Variants in FGF12 observed in about 807,000 individuals in gnomAD.
FGF12 encodes the protein fibroblast growth factor 12.
In FGF12, 14 loss-of-function variants were observed where a neutral mutation model predicts 23.6. The observed-to-expected ratio is 0.59, with a 90% CI of 0.39 to 0.93. FGF12 has a LOEUF of 0.93. Among genes scored for constraint, FGF12 ranks in the 40% least tolerant of loss-of-function variants. The pLI is 0.00. For synonymous variants in FGF12, 62 were observed against 77.3 expected (o/e 0.80, Z 1.04); for missense variants, 175 against 217.8 (o/e 0.80, Z 1.24).
chr3:192,519,866 G>T (rs1005697459), intron 2 of FGF12, among the ~76,000 whole-genome samples: 1 of 152,178 alleles, frequency 6.6e-6, no homozygotes, highest in African/African-American at 2.4e-5. Flanking sequence ...GGCTAAAATT[G>T]TTCTGGCTTT....
chr3:192,466,621 C>G (rs1401287744), intron 2 of FGF12, among the ~76,000 whole-genome samples: 1 of 152,188 alleles, frequency 6.6e-6, no homozygotes, highest in African/African-American at 2.4e-5. Context: ...AATAAGCATA[C>G]TTATTGTGCT....
At chr3:192,642,398 A>AG (rs1715840760) in intron 2 of FGF12, among the ~76,000 whole-genome samples, 1 of 152,194 alleles carries the variant, frequency 6.6e-6, no homozygotes, top group Non-Finnish European at 1.5e-5. Context: ...TCCACTTGAA[A>AG]GATACAAGAT....
Position 192,360,664 on chromosome 3 carries a change from G to T in FGF12, c.14-126C>A, listed in dbSNP as rs779191034. Reference sequence around the variant, plus strand: ...AGCTTAAATATTGAATTATGTATTTGGGAGTTGGGTGTTTCAGTAACATAT... The same window carrying T: ...AGCTTAAATATTGAATTATGTATTTTGGAGTTGGGTGTTTCAGTAACATAT... On this transcript the variant is annotated intron_variant, in intron 2 of 5. Coordinates refer to ENST00000445105, the MANE Select transcript of FGF12 (RefSeq NM_004113.6). The surrounding 1 kb of genome is among the most constrained non-coding windows in gnomAD (Gnocchi z 4.3). 1 of 674,420 alleles carries T rather than the reference G, an allele frequency of 1.5e-6. No individual in the cohort carries two copies. Among genetic ancestry groups the T allele is most frequent in the East Asian group, 2.7e-5 (1 of 37,046 alleles). The allele number at this position is 674,420 out of a possible 1,614,324, so 41.8% of individuals were successfully genotyped here.
At chr3:192,375,522 A>T (rs1719446717) in intron 2 of FGF12, among the ~76,000 whole-genome samples, 1 of 152,208 alleles carries the variant, frequency 6.6e-6, no homozygotes, top group Non-Finnish European at 1.5e-5. Context: ...AAAAACTCAA[A>T]TCCACATATT....
At chr3:192,373,119 C>T (rs1168421637) in intron 2 of FGF12, among the ~76,000 whole-genome samples, 3 of 151,998 alleles carry the variant, frequency 2.0e-5, no homozygotes, top group Admixed American at 1.3e-4. Flanking sequence ...CACCTCCCTT[C>T]ATTGCACGTA....
At chr3:192,329,257 A>T (rs1716985968) in intron 4 of FGF12, among the ~76,000 whole-genome samples, 1 of 152,218 alleles carries the variant, frequency 6.6e-6, no homozygotes, top group Admixed American at 6.5e-5. Context: ...CAATGGAGAC[A>T]GGTGACATAT....
intron 2 of FGF12, among the ~76,000 whole-genome samples, chr3:192,551,410 G>A (rs1711525351): frequency 6.6e-6 from 1 of 152,216 alleles, no homozygotes; most frequent in Non-Finnish European, 1.5e-5. Context: ...TTGGCCAAAA[G>A]ATGGGCTACT....
At chr3:192,398,379 CTT>C (rs1560099136) in intron 2 of FGF12, among the ~76,000 whole-genome samples, 4 of 60,406 alleles carry the variant, frequency 6.6e-5, no homozygotes, top group African/African-American at 1.8e-4. Flanking sequence ...CTTATATTTT[CTT>C]TTTTCTTTTT....
At chr3:192,407,288 G>C (rs1576957622) in intron 2 of FGF12, among the ~76,000 whole-genome samples, 1 of 152,316 alleles carries the variant, frequency 6.6e-6, no homozygotes, top group East Asian at 1.9e-4. Context: ...TGTGTATACT[G>C]TCTTGTTCCC....
At chr3:192,599,760 G>A (rs1714030633) in intron 2 of FGF12, among the ~76,000 whole-genome samples, 1 of 151,436 alleles carries the variant, frequency 6.6e-6, no homozygotes, top group East Asian at 1.9e-4. Context: ...CATTCTAGAG[G>A]GAGAAAAAAA....
intron 4 of FGF12, among the ~76,000 whole-genome samples, chr3:192,299,418 A>G (rs991041843): frequency 2.6e-5 from 4 of 152,186 alleles, no homozygotes; most frequent in Non-Finnish European, 5.9e-5. Flanking sequence ...TGAGGACATG[A>G]CTTATTCTTT....
chr3:192,310,675 T>G (rs563557123), intron 4 of FGF12, among the ~76,000 whole-genome samples: 140 of 152,308 alleles, frequency 9.2e-4, no homozygotes, highest in Non-Finnish European at 1.7e-3. Flanking sequence ...TGTTTTGCAA[T>G]TTAATACCTA....
At chr3:192,191,742 A>C (rs1027818972) in intron 4 of FGF12, among the ~76,000 whole-genome samples, 13 of 152,136 alleles carry the variant, frequency 8.5e-5, no homozygotes, top group Non-Finnish European at 1.6e-4. Context: ...AGGCTGAGGC[A>C]GGAGAATGGC....
chr3:192,626,949 TC>T (rs1365520890), intron 2 of FGF12, among the ~76,000 whole-genome samples: 2 of 152,188 alleles, frequency 1.3e-5, no homozygotes, highest in Non-Finnish European at 2.9e-5. Flanking sequence ...ATGCTCATGC[TC>T]ACTGTTAAAG....
chr3:192,553,536 T>C (rs1251400616), intron 2 of FGF12, among the ~76,000 whole-genome samples: 1 of 152,184 alleles, frequency 6.6e-6, no homozygotes, highest in African/African-American at 2.4e-5. Context: ...CCAGAACCTC[T>C]TTCCCCTCAT....
At chr3:192,561,621 C>A (rs187952741) in intron 2 of FGF12, among the ~76,000 whole-genome samples, 3 of 151,880 alleles carry the variant, frequency 2.0e-5, no homozygotes, top group African/African-American at 7.2e-5. Flanking sequence ...CTCGGCCTCC[C>A]AAAGTGCTGG....
intron 4 of FGF12, among the ~76,000 whole-genome samples, chr3:192,247,717 G>C (rs1250451472): frequency 2.0e-5 from 3 of 152,144 alleles, no homozygotes; most frequent in Non-Finnish European, 2.9e-5. Context: ...TTAAGTCTGG[G>C]AAAGATTTAT....
At chr3:192,204,146 A>G (rs967764959) in intron 4 of FGF12, among the ~76,000 whole-genome samples, 1 of 152,070 alleles carries the variant, frequency 6.6e-6, no homozygotes, top group Non-Finnish European at 1.5e-5. Context: ...ACTGAGTTGG[A>G]AAAAAAACTT....
chr3:192,244,546 G>GA (rs1719787642), intron 4 of FGF12, among the ~76,000 whole-genome samples: 1 of 152,050 alleles, frequency 6.6e-6, no homozygotes, highest in South Asian at 2.1e-4. Flanking sequence ...TGACAAATAA[G>GA]AAAATTGTAA....
Sources: allele counts gnomAD v4.1 joint callset (sites outside exome capture counted in the v4.1 genomes callset), GRCh38; gene constraint gnomAD v4.1.1; non-coding constraint Gnocchi (gnomAD v3.1); transcripts MANE v1.5; gene names NCBI Gene and HGNC (gene_info 2026-07-23, HGNC 2026-07-21).